The following MRC1 variants were observed in gnomAD, a reference collection of about 807,000 sequenced individuals.
The protein encoded by MRC1 is macrophage mannose receptor 1.
A neutral mutation model predicts 102.9 loss-of-function variants in MRC1; 62 were observed. The observed-to-expected ratio is 0.60, with a 90% CI of 0.49 to 0.74. The LOEUF is 0.74. Ranked by LOEUF, MRC1 falls within the 30% of genes least tolerant of loss-of-function variation. The probability of loss-of-function intolerance (pLI) is 0.00; values close to 1 mark genes in which losing one functional copy is unlikely to be tolerated. For synonymous variants in MRC1, 457 were observed against 298.4 expected, an observed-to-expected ratio of 1.53 and a Z score of -5.48; for missense variants, 1,237 against 862.8, an observed-to-expected ratio of 1.43 and a Z score of -5.43.
chr10:17,873,108 A>G (rs1833377402), intron 15 of MRC1, among the ~76,000 whole-genome samples: 1 of 152,220 alleles, frequency 6.6e-6, no homozygotes, highest in African/African-American at 2.4e-5. Context: ...TGTTAAATTC[A>G]TTAACCCAAA....
intron 1 of MRC1, among the ~76,000 whole-genome samples, chr10:17,814,435 C>T (rs1838274636): frequency 6.6e-6 from 1 of 152,100 alleles, no homozygotes. Flanking sequence ...ATGCTGGGTG[C>T]TTTACATAAA....
At chr10:17,809,566 GC>G (rs1838191327) in intron 1 of MRC1, 40 bp downstream of exon 1, 1 of 870,352 alleles carries the variant, frequency 1.1e-6, no homozygotes, top group African/African-American at 1.6e-5. Flanking sequence ...GACCTGGGGG[GC>G]CGGAACCACA....
Position 17,875,264 on chromosome 10 carries a change from C to G in MRC1, c.2550+11C>G, listed in dbSNP as rs1833413493. ...TTTCTATGGAAATATGTAAGGACAT[C>G]AATCATTTTTTAAAATTTTAATAGT... On this transcript the variant is annotated intron_variant, in intron 17 of 29. Transcript: ENST00000569591. 1.3e-6 allele frequency: 1 copy of G among 778,834 alleles called. No homozygotes were observed. Among genetic ancestry groups the G allele is most frequent in the East Asian group, 2.4e-5 (1 of 41,234 alleles). 48.2% of individuals were successfully genotyped at this position (778,834 alleles called of 1,614,324 possible). A position where few individuals can be genotyped will look rare whatever the true frequency, so the allele number is the denominator to read the frequency against.
At chr10:17,853,238 A>G in intron 8 of MRC1, 114 bp downstream of exon 8, 1 of 735,872 alleles carries the variant, frequency 1.4e-6, no homozygotes, top group Non-Finnish European at 2.5e-6. Flanking sequence ...ATAAATTGGC[A>G]TGGATCAAAG....
chr10:17,812,784 G>C (rs1554837544), intron 1 of MRC1, among the ~76,000 whole-genome samples: 1 of 152,004 alleles, frequency 6.6e-6, no homozygotes, highest in South Asian at 2.1e-4. Flanking sequence ...TGTTGGCCAG[G>C]CTGGTCTTGA....
At chr10:17,862,124 G>A (rs1833193722) in intron 10 of MRC1, among the ~76,000 whole-genome samples, 1 of 152,126 alleles carries the variant, frequency 6.6e-6, no homozygotes, top group Non-Finnish European at 1.5e-5. Flanking sequence ...TTCACTTGCA[G>A]TAAAGAAGTA....
intron 18 of MRC1, among the ~76,000 whole-genome samples, chr10:17,878,896 C>T (rs1322108070): frequency 2.0e-5 from 3 of 152,156 alleles, no homozygotes; most frequent in Non-Finnish European, 2.9e-5. Context: ...TTTATCATTT[C>T]TAAAGTGAAA....
intron 29 of MRC1, 85 bp from the exon 30 acceptor site, chr10:17,910,130 T>C: frequency 1.3e-6 from 1 of 770,814 alleles, no homozygotes; most frequent in Non-Finnish European, 2.4e-6. Context: ...TTATGCCTTT[T>C]AGTTTTTCAA....
At chr10:17,825,048 T>A (rs1360664952) in intron 2 of MRC1, among the ~76,000 whole-genome samples, 1 of 152,026 alleles carries the variant, frequency 6.6e-6, no homozygotes, top group Non-Finnish European at 1.5e-5. Context: ...TTCTGTGGCA[T>A]AGGGTCTATT....
At chr10:17,812,005 C>A (rs1293136310) in intron 1 of MRC1, among the ~76,000 whole-genome samples, 1 of 152,184 alleles carries the variant, frequency 6.6e-6, no homozygotes, top group African/African-American at 2.4e-5. Flanking sequence ...CAACACCTCT[C>A]CCCTGGCTTC....
intron 1 of MRC1, among the ~76,000 whole-genome samples, chr10:17,817,968 G>A (rs942389343): frequency 3.3e-5 from 5 of 152,144 alleles, no homozygotes; most frequent in South Asian, 2.1e-4. Context: ...AATAATGCAC[G>A]ATGAATGTAT....
chr10:17,910,437 T>C lies in MRC1; in HGVS notation c.4343T>C (p.Ile1448Thr), dbSNP rs1412022896. The part of the protein sequence containing the change: ...TSDMKDLVGN[I>T]EQNEHSVI ...GATATGAAAGATCTCGTGGGCAATA[T>C]TGAACAGAATGAACACTCGGTCATC... Residue 1448 changes from isoleucine (I) to threonine (T), a missense_variant, in exon 30 of 30, where the codon ATT (isoleucine) becomes ACT (threonine). Ile to Thr is a moderately conservative substitution (Grantham distance 89, BLOSUM62 -1). Coordinates refer to ENST00000569591, the MANE Select transcript of MRC1 (RefSeq NM_002438.4). 3.8e-6 allele frequency: 3 copies of C among 780,700 alleles called. No individual in the cohort carries two copies. The African/African-American group carries it at 5.1e-5, about 13-fold the overall frequency. 48.4% of individuals were successfully genotyped at this position (780,700 alleles called of 1,614,324 possible).
At chr10:17,811,627 C>T (rs1193707290) in intron 1 of MRC1, among the ~76,000 whole-genome samples, 4 of 152,164 alleles carry the variant, frequency 2.6e-5, no homozygotes, top group East Asian at 1.9e-4. Context: ...GTGGTGTGAT[C>T]ATGGCTCACT....
rs544993157 is a variant in MRC1 at position 17,846,269 on chromosome 10, C to G, written c.1063+834C>G. 9.7e-3 allele frequency among the ~76,000 whole-genome samples: 1,481 copies of G among 152,154 alleles called. 26 individuals carry two copies. Among genetic ancestry groups the G allele is most frequent in the African/African-American group, 0.033 (1,366 of 41,494 alleles). On this transcript the variant is annotated intron_variant, in intron 6 of 29. Coordinates refer to ENST00000569591, the MANE Select transcript of MRC1 (RefSeq NM_002438.4). ...AAAAAAAAAATCAATTGTGTTGTCCCTTACAATTTTATAGGAGAATAAACT... is the reference window on the plus strand; with the variant it reads ...AAAAAAAAAATCAATTGTGTTGTCCGTTACAATTTTATAGGAGAATAAACT...
intron 5 of MRC1, among the ~76,000 whole-genome samples, chr10:17,844,061 A>G (rs1201394760): frequency 6.6e-6 from 1 of 152,164 alleles, no homozygotes; most frequent in East Asian, 1.9e-4. Context: ...CGTTGACTTT[A>G]TCTGGTTCTT....
intron 10 of MRC1, among the ~76,000 whole-genome samples, chr10:17,862,042 C>G (rs1020707050): frequency 7.9e-4 from 120 of 152,234 alleles, no homozygotes; most frequent in African/African-American, 2.8e-3. Flanking sequence ...TATTCGTTTA[C>G]TTTTCACCTA....
At chr10:17,895,050 T>G (rs1833736211) in intron 23 of MRC1, among the ~76,000 whole-genome samples, 1 of 152,084 alleles carries the variant, frequency 6.6e-6, no homozygotes, top group Non-Finnish European at 1.5e-5. Flanking sequence ...CAAAATTATT[T>G]TATTTTTGTA....
intron 7 of MRC1, among the ~76,000 whole-genome samples, chr10:17,850,465 A>G (rs1346345914): frequency 2.0e-5 from 3 of 152,078 alleles, no homozygotes; most frequent in African/African-American, 7.2e-5. Flanking sequence ...AAAGAAATGT[A>G]TGTCTCAATT....
chr10:17,899,153 G>A (rs1428495402), intron 24 of MRC1, among the ~76,000 whole-genome samples: 2 of 151,860 alleles, frequency 1.3e-5, no homozygotes, highest in Non-Finnish European at 2.9e-5. Context: ...AGTGTCAGAT[G>A]TTATGAAGCT....
Sources: allele counts gnomAD v4.1 joint callset (sites outside exome capture counted in the v4.1 genomes callset), GRCh38; gene constraint gnomAD v4.1.1; transcripts MANE v1.5; gene names NCBI Gene and HGNC (gene_info 2026-07-23, HGNC 2026-07-21).